FRMD1: variants seen among roughly 807,000 people sequenced by gnomAD.
FRMD1 encodes FERM domain-containing protein 1.
Under a neutral mutation model 54.9 loss-of-function variants are expected in FRMD1, and 51 were observed. That is an observed-to-expected ratio of 0.93 (90% CI 0.74 to 1.17). The LOEUF is 1.17. Among genes scored for constraint, FRMD1 ranks in the 50% most tolerant of loss-of-function variants. FRMD1 has a pLI of 0.00. For missense variants in FRMD1, 729 were observed against 743.0 expected (o/e 0.98, Z 0.22); for synonymous variants, 324 against 306.4 (o/e 1.06, Z -0.60).
At chr6:168,063,146 C>T (rs902394) in intron 6 of FRMD1, among the ~76,000 whole-genome samples, 187 bp from the exon 7 acceptor site, 141,514 of 152,244 alleles carry the variant, frequency 0.93, 65,864 homozygotes, top group African/African-American at 0.98. Flanking sequence ...AGCACAAGCA[C>T]TGCCTTTCAT....
upstream of FRMD1, among the ~76,000 whole-genome samples, chr6:168,082,186 C>A (rs1021170803): frequency 1.4e-4 from 22 of 152,232 alleles, no homozygotes; most frequent in Non-Finnish European, 3.1e-4. Flanking sequence ...GCACAATCAG[C>A]AACACCGACT....
upstream of FRMD1, among the ~76,000 whole-genome samples, chr6:168,079,459 G>A (rs527827385): frequency 3.9e-5 from 6 of 152,228 alleles, no homozygotes; most frequent in South Asian, 4.1e-4. Context: ...CAGGGTGCCT[G>A]CTCCTTCTTC....
intron 2 of FRMD1, among the ~76,000 whole-genome samples, chr6:168,074,972 G>A (rs921948484): frequency 1.3e-5 from 2 of 150,620 alleles, no homozygotes; most frequent in Non-Finnish European, 3.0e-5. Context: ...ATGTGTACAC[G>A]TGCAAGTGGT....
chr6:168,065,156 G>A, intron 4 of FRMD1, 99 bp from the exon 5 acceptor site: 1 of 1,460,978 alleles, frequency 6.8e-7, no homozygotes, highest in Non-Finnish European at 9.0e-7. Context: ...TCCCAGGGCT[G>A]TCCTGAGCCC....
upstream of FRMD1, among the ~76,000 whole-genome samples, chr6:168,086,555 G>A (rs572746682): frequency 2.6e-5 from 2 of 76,836 alleles, no homozygotes; most frequent in Non-Finnish European, 6.9e-5. Flanking sequence ...TCTTCAGTGT[G>A]GACACCCACG....
rs565228781 is a variant in FRMD1 at position 168,087,282 on chromosome 6, C to A, written c.-11-8258G>T. Among the ~76,000 whole-genome samples the A allele has an allele frequency of 2.0e-5, 3 of 152,232 alleles. No individual in the cohort carries two copies. The East Asian group carries it at 5.8e-4, about 30-fold the overall frequency. ...CAGGGTTTCTCCATGTTGCCCAGAC[C>A]GGTCTCTACCTCCTGACCTCAAATG... On this transcript the variant is annotated intron_variant, in intron 1 of 12. Transcript: ENST00000644440.
At chr6:168,074,885 G>A (rs530910693) in intron 2 of FRMD1, among the ~76,000 whole-genome samples, 28 of 64,722 alleles carry the variant, frequency 4.3e-4, no homozygotes, top group East Asian at 2.4e-3. Flanking sequence ...TCAGTGGTGC[G>A]TAACTGTGTG....
At chr6:168,079,693 T>C (rs1399497725), upstream of FRMD1, among the ~76,000 whole-genome samples, 1 of 152,074 alleles carries the variant, frequency 6.6e-6, no homozygotes, top group Non-Finnish European at 1.5e-5. Flanking sequence ...CTGGCTCCCT[T>C]TAGGGGCTGG....
rs1426208045 is a variant in FRMD1, at chr6:168,067,439, C to T, written c.312G>A (p.Glu104=). The stretch of plus-strand genomic sequence containing the variant: ...TTTGCTCCAAATCCATAAATATATA[C>T]TCATTGTCTGAAAGCAAAACAAAAG... ...FFGLCVVRNN[E]YIFMDLEQKL... is the part of the protein sequence containing the mutation. The change falls in exon 3 of 11, where the codon GAG becomes GAA. Residue 104 remains glutamate, a synonymous_variant. Transcript: ENST00000283309. 1.9e-6 allele frequency: 3 copies of T among 1,600,574 alleles called. No individual in the cohort carries two copies. The highest frequency in any genetic ancestry group is 2.6e-6 in the Non-Finnish European group (3 of 1,171,056).
At position 168,061,854 on chromosome 6, in the gene FRMD1, C is replaced by A. The variant is rs148800203; in HGVS notation, c.998G>T (p.Arg333Leu). ...LLRASHQLHL[R>L]VRPTLQQLRQ... is the part of the protein sequence containing the mutation. ...CAGCTGTTGCAGAGTGGGCCGCACG[C>A]GGAGGTGGAGCTGGTGGCTGGCGCG... is the stretch of plus-strand genomic sequence containing the variant. The change falls in exon 8 of 11, where the codon CGC becomes CTC. Residue 333 changes from arginine (R) to leucine (L), a missense_variant. Arg to Leu is a moderately radical substitution (Grantham distance 102). Coordinates refer to ENST00000283309, the MANE Select transcript of FRMD1 (RefSeq NM_024919.6). 26 of 1,578,030 alleles carry A rather than the reference C, an allele frequency of 1.6e-5. No homozygotes were observed. The highest frequency in any genetic ancestry group is 2.1e-5 in the Non-Finnish European group (25 of 1,163,272).
chr6:168,066,505 A>T, intron 4 of FRMD1: 19 of 1,238,092 alleles, frequency 1.5e-5, no homozygotes, highest in Non-Finnish European at 1.9e-5. Flanking sequence ...TCTCAAAACA[A>T]AACAAAACAA....
intron 2 of FRMD1, among the ~76,000 whole-genome samples, chr6:168,068,013 G>A (rs898296735): frequency 2.6e-5 from 4 of 152,092 alleles, no homozygotes; most frequent in African/African-American, 7.2e-5. Context: ...TCAGGGGGCT[G>A]AGGCAGGAAG....
At chr6:168,067,096 G>A (rs1055447464) in intron 3 of FRMD1, 17 of 705,896 alleles carry the variant, frequency 2.4e-5, no homozygotes, top group Middle Eastern at 2.3e-4. Context: ...GCTCACCACA[G>A]TCCCCCTGCG....
intron 2 of FRMD1, among the ~76,000 whole-genome samples, chr6:168,069,323 T>C (rs963253444): frequency 9.9e-5 from 15 of 152,262 alleles, no homozygotes; most frequent in African/African-American, 3.6e-4. Context: ...AATCATTCTA[T>C]TACATCATGT....
chr6:168,078,543 CCTGCTCACCCCCACGGCT>C (rs1397476100), intron 1 of FRMD1, among the ~76,000 whole-genome samples: 5 of 148,106 alleles, frequency 3.4e-5, no homozygotes, highest in Admixed American at 6.7e-5. Context: ...CCCCCACGGC[CCTGCTCACCCCCACGGCT>C]CTGCTCACCC....
chr6:168,065,210 TG>T (rs1353284764), intron 4 of FRMD1, 153 bp from the exon 5 acceptor site: 2 of 1,415,648 alleles, frequency 1.4e-6, no homozygotes, highest in Non-Finnish European at 1.8e-6. Flanking sequence ...GCTGTGTCCC[TG>T]CAGGGCCAGC....
At chr6:168,082,050 G>A (rs1449282523), upstream of FRMD1, among the ~76,000 whole-genome samples, 2 of 152,198 alleles carry the variant, frequency 1.3e-5, no homozygotes, top group Non-Finnish European at 2.9e-5. Flanking sequence ...TGTGAGACAC[G>A]TGGGTGCTGT....
At chr6:168,080,016 C>A (rs749180715), upstream of FRMD1, among the ~76,000 whole-genome samples, 24 of 152,156 alleles carry the variant, frequency 1.6e-4, no homozygotes, top group Non-Finnish European at 3.4e-4. Context: ...CTGTGGAATT[C>A]TGTCCTCAGC....
At position 168,057,230 on chromosome 6, in the gene FRMD1, G is replaced by A. The variant is rs1460323093; in HGVS notation, c.1517C>T (p.Thr506Ile). 3.1e-6 allele frequency: 5 copies of A among 1,610,102 alleles called. No homozygotes were observed. The highest frequency in any genetic ancestry group is 3.4e-5 in the Admixed American group (2 of 59,664). ...LHPAPTSLSH[T>I]FHRALDCRLA... ...CCTGCAGTCCAGGGCGCGGTGGAAG[G>A]TATGGCTGAGTGAGGTGGGCGCTGG... The change falls in exon 11 of 11, where the codon ACC becomes ATC. Residue 506 changes from threonine to isoleucine, a missense_variant. Coordinates refer to ENST00000283309, the MANE Select transcript of FRMD1 (RefSeq NM_024919.6).
Sources: allele counts gnomAD v4.1 joint callset (sites outside exome capture counted in the v4.1 genomes callset), GRCh38; gene constraint gnomAD v4.1.1; transcripts MANE v1.5; gene names NCBI Gene and HGNC (gene_info 2026-07-23, HGNC 2026-07-21).